Variants in HAUS3 observed in about 807,000 individuals in gnomAD.
HAUS3 encodes HAUS augmin like complex subunit 3.
A neutral mutation model predicts 55.2 loss-of-function variants in HAUS3; 36 were observed. The ratio of observed to expected loss-of-function variants is 0.65; its 90% confidence interval spans 0.50 to 0.86. HAUS3 has a LOEUF of 0.86. Among genes scored for constraint, HAUS3 ranks in the 40% least tolerant of loss-of-function variants. The probability of loss-of-function intolerance (pLI) is 0.00; values close to 1 mark genes in which losing one functional copy is unlikely to be tolerated. For synonymous variants in HAUS3, 234 were observed against 238.6 expected (o/e 0.98, Z 0.18); for missense variants, 752 against 671.5 (o/e 1.12, Z -1.33).
Position 2,233,280 on chromosome 4 carries a change from C to T in HAUS3, c.1579-1120G>A, listed in dbSNP as rs57649231. The stretch of plus-strand genomic sequence containing the variant: ...AAAGATCATACAGTTGCTAAAACAA[C>T]ATTGCTACAGATACTGAAGTTCAGC... On this transcript the variant is annotated intron_variant, in intron 5 of 5. Transcript: ENST00000443786. Among the ~76,000 whole-genome samples, 705 of 152,246 alleles carry T rather than the reference C, an allele frequency of 4.6e-3. 5 individuals carry two copies. Among genetic ancestry groups the T allele is most frequent in the African/African-American group, 0.016 (665 of 41,548 alleles).
chr4:2,236,764 G>A lies in HAUS3; in HGVS notation c.1350-308C>T, dbSNP rs147377252. ...TATAGTCCCAGATACTCCGGAGGCTGAGGCAGGAGGATTGCTTGAACTCGG... is the reference window on the plus strand; with the variant it reads ...TATAGTCCCAGATACTCCGGAGGCTAAGGCAGGAGGATTGCTTGAACTCGG... On this transcript the variant is annotated intron_variant, in intron 4 of 5. Coordinates refer to ENST00000443786, the MANE Select transcript of HAUS3 (RefSeq NM_001303143.2). Among the ~76,000 whole-genome samples the A allele has an allele frequency of 7.5e-3, 1,134 of 152,030 alleles. 18 individuals carry two copies. The highest frequency in any genetic ancestry group is 0.023 in the African/African-American group (956 of 41,430).
At chr4:2,232,706 T>C (rs1293844578) in intron 5 of HAUS3, among the ~76,000 whole-genome samples, 6 of 152,174 alleles carry the variant, frequency 3.9e-5, no homozygotes, top group East Asian at 3.8e-4. Context: ...CCTAATCATA[T>C]AATTTTCCTG....
At chr4:2,237,904 G>A (rs1734823161) in intron 4 of HAUS3, among the ~76,000 whole-genome samples, 1 of 152,120 alleles carries the variant, frequency 6.6e-6, no homozygotes, top group East Asian at 1.9e-4. Context: ...TCTTATAGAT[G>A]TAACTACACA....
chr4:2,231,976 T>C lies in HAUS3; in HGVS notation c.1763A>G (p.Glu588Gly), dbSNP rs780109637. ...AATCTTTGATTGAGTTTCTAAATTCTCCACAATATCTTTCAGATAATCTTC... is the reference window on the plus strand; with the variant it reads ...AATCTTTGATTGAGTTTCTAAATTCCCCACAATATCTTTCAGATAATCTTC... ...KDEDYLKDIV[E>G]NLETQSKIKA... The change falls in exon 6 of 6, where the codon GAG becomes GGG. Residue 588 changes from glutamate to glycine, a missense_variant. By Grantham distance (98) the Glu-to-Gly change is moderately conservative (BLOSUM62 -2). Coordinates refer to ENST00000443786, the MANE Select transcript of HAUS3 (RefSeq NM_001303143.2). 3 of 1,475,426 alleles carry C rather than the reference T, an allele frequency of 2.0e-6. No homozygotes were observed. Among genetic ancestry groups the C allele is most frequent in the Non-Finnish European group, 2.8e-6 (3 of 1,066,438 alleles). 91.4% of individuals were successfully genotyped at this position (1,475,426 alleles called of 1,614,324 possible).
Position 2,241,524 on chromosome 4 carries a change from A to T in HAUS3, c.-152T>A. 1.0e-6 allele frequency: 1 copy of T among 985,798 alleles called. No homozygotes were observed. The highest frequency in any genetic ancestry group is 1.2e-6 in the Non-Finnish European group (1 of 830,198). 61.1% of individuals were successfully genotyped at this position (985,798 alleles called of 1,614,324 possible). ...GAAGATCAACTAAATATTTACCTCAACGTCTCGCCGGGCAAGGCTCCACCT... is the reference window on the plus strand; with the variant it reads ...GAAGATCAACTAAATATTTACCTCATCGTCTCGCCGGGCAAGGCTCCACCT... On this transcript the variant is annotated 5_prime_UTR_variant, in exon 2 of 6. It adds an upstream start codon to the 5' untranslated region. Coordinates refer to ENST00000443786, the MANE Select transcript of HAUS3 (RefSeq NM_001303143.2).
rs1303058240 is a variant in HAUS3, at chr4:2,229,296, A to C, written c.*2631T>G. 7.3e-7 allele frequency: 1 copy of C among 1,362,634 alleles called. No individual in the cohort carries two copies. Among genetic ancestry groups the C allele is most frequent in the African/African-American group, 1.5e-5 (1 of 66,778 alleles). The allele number at this position is 1,362,634 out of a possible 1,614,324, so 84.4% of individuals were successfully genotyped here. On this transcript the variant is annotated 3_prime_UTR_variant, in exon 6 of 6. Coordinates refer to ENST00000443786, the MANE Select transcript of HAUS3 (RefSeq NM_001303143.2). Reference sequence around the variant, plus strand: ...TCCCATATATTAATCCTAAGACTATAAAACAGGAAATACAATTATTTTCAA... The same window carrying C: ...TCCCATATATTAATCCTAAGACTATCAAACAGGAAATACAATTATTTTCAA...
chr4:2,237,406 T>C (rs1460941260), intron 4 of HAUS3, among the ~76,000 whole-genome samples: 1 of 150,586 alleles, frequency 6.6e-6, no homozygotes, highest in East Asian at 2.0e-4. Context: ...ACTGCACTCC[T>C]ACCTAGGCAA....
chr4:2,238,455 AG>A (rs1734844457), intron 4 of HAUS3, 148 bp downstream of exon 4: 1 of 502,506 alleles, frequency 2.0e-6, no homozygotes, highest in Non-Finnish European at 3.5e-6. Context: ...GAAAAAAAAA[AG>A]GCATATGAAA....
chr4:2,236,855 T>C (rs1317064921), intron 4 of HAUS3, among the ~76,000 whole-genome samples: 1 of 150,770 alleles, frequency 6.6e-6, no homozygotes, highest in Non-Finnish European at 1.5e-5. Context: ...AGAGTGAGAC[T>C]CCGTCTCCAA....
chr4:2,240,588 C>T lies in HAUS3; in HGVS notation c.359G>A (p.Arg120His), dbSNP rs760662072. The T allele has an allele frequency of 8.1e-6, 13 of 1,612,536 alleles. No individual in the cohort carries two copies. Among genetic ancestry groups the T allele is most frequent in the Middle Eastern group, 1.6e-4 (1 of 6,078 alleles). Residue 120 changes from arginine (R) to histidine (H), a missense_variant, in exon 3 of 6, where the codon CGT (arginine) becomes CAT (histidine). Transcript: ENST00000443786. Reference protein sequence around the residue: ...LKLKNLKIQRRNKCQLMASVT... With the variant: ...LKLKNLKIQRHNKCQLMASVT... ...TGAAGCCATCAATTGACATTTATTA[C>T]GTCGCTGAATTTTTAGGTTCTTTAA...
intron 5 of HAUS3, among the ~76,000 whole-genome samples, chr4:2,234,930 G>A (rs1354399721): frequency 6.6e-6 from 1 of 152,216 alleles, no homozygotes; most frequent in East Asian, 1.9e-4. Flanking sequence ...CTGTCGCCCA[G>A]GCTGGAGTGC....
In HAUS3 at chr4:2,240,243, T is replaced by C. The variant is rs182932203; in HGVS notation, c.704A>G (p.Glu235Gly). ...GIHEVVESSN[E>G]DNFQLLDIQT... is the part of the protein sequence containing the mutation. The stretch of plus-strand genomic sequence containing the variant: ...TATATCTAAAAGTTGAAAATTGTCT[T>C]CATTTGAACTTTCAACTACTTCATG... The change falls in exon 3 of 6, where the codon GAA (glutamate) becomes GGA (glycine). Residue 235 changes from glutamate to glycine, a missense_variant. By Grantham distance (98) the Glu-to-Gly change is moderately conservative. Coordinates refer to ENST00000443786, the MANE Select transcript of HAUS3 (RefSeq NM_001303143.2). 1.9e-5 allele frequency: 30 copies of C among 1,613,786 alleles called. No individual in the cohort carries two copies. Among genetic ancestry groups the C allele is most frequent in the Admixed American group, 3.3e-5 (2 of 59,948 alleles).
intron 5 of HAUS3, among the ~76,000 whole-genome samples, chr4:2,235,340 T>C (rs532607348): frequency 1.3e-5 from 2 of 152,322 alleles, no homozygotes; most frequent in South Asian, 2.1e-4. Flanking sequence ...TTCACACCCG[T>C]TGGGATGGCT....
Position 2,240,671 on chromosome 4 carries a change from A to C in HAUS3, c.276T>G (p.Pro92=). The change falls in exon 3 of 6, where the codon CCT becomes CCG. Residue 92 remains proline (P), a synonymous_variant. Coordinates refer to ENST00000443786, the MANE Select transcript of HAUS3 (RefSeq NM_001303143.2). ...KTCKTSDLKT[P]RLDDKELEKL... ...TCTCCAGCTCTTTATCATCCAGTCT[A>C]GGTGTCTTCAAATCAGAAGTTTTAC... 1 of 1,614,068 alleles carries C rather than the reference A, an allele frequency of 6.2e-7. No individual in the cohort carries two copies. The highest frequency in any genetic ancestry group is 1.1e-5 in the South Asian group (1 of 91,056).
intron 4 of HAUS3, among the ~76,000 whole-genome samples, chr4:2,238,009 A>G (rs6831205): frequency 0.083 from 12,654 of 152,180 alleles, 790 homozygotes; most frequent in African/African-American, 0.17. Flanking sequence ...CATTTTATTA[A>G]TAAGAAAACA....
At position 2,230,400 on chromosome 4, in the gene HAUS3, C is replaced by G. The variant is rs1419741223; in HGVS notation, c.*1527G>C. On this transcript the variant is annotated 3_prime_UTR_variant, in exon 6 of 6. Coordinates refer to ENST00000443786, the MANE Select transcript of HAUS3 (RefSeq NM_001303143.2). ...CCAGGAAACCAGGTGACATATTTTCCACATTTTTGGAGAAAATAAAAATTT... is the reference window on the plus strand; with the variant it reads ...CCAGGAAACCAGGTGACATATTTTCGACATTTTTGGAGAAAATAAAAATTT... The G allele has an allele frequency of 6.6e-6, 1 of 152,006 alleles. No homozygotes were observed. Among genetic ancestry groups the G allele is most frequent in the Non-Finnish European group, 1.5e-5 (1 of 68,024 alleles). The allele number at this position is 152,006 out of a possible 1,614,324, so 9.4% of individuals were successfully genotyped here. A position where few individuals can be genotyped will look rare whatever the true frequency, so the allele number is the denominator to read the frequency against.
Position 2,229,194 on chromosome 4 carries a change from C to G in HAUS3, c.*2733G>C. ...AGCAACACTGGAGAGCGGTGTATTA[C>G]AGAGATCAAAGCCTACCAATGCCTC... On this transcript the variant is annotated 3_prime_UTR_variant, in exon 6 of 6. Coordinates refer to ENST00000443786, the MANE Select transcript of HAUS3 (RefSeq NM_001303143.2). 1.2e-6 allele frequency: 2 copies of G among 1,610,628 alleles called. No homozygotes were observed. The highest frequency in any genetic ancestry group is 1.7e-6 in the Non-Finnish European group (2 of 1,177,578).
chr4:2,236,884 A>G (rs1205329207), intron 4 of HAUS3, among the ~76,000 whole-genome samples: 1 of 149,038 alleles, frequency 6.7e-6, no homozygotes, highest in Non-Finnish European at 1.5e-5. Context: ...AATAATAATT[A>G]TAATTATAAT....
At position 2,240,176 on chromosome 4, in the gene HAUS3, CT is replaced by C; in HGVS notation, c.770del (p.Glu257GlyfsTer4). ...SICDNQEILEERRLEMARLQL... is the reference protein window; with the variant it reads ...SICDNQEILEXRRLEMARLQL... ...GCAGTCTAGCCATCTCTAGTCGTCT[CT>C]CCTCAAGGATTTCTTGATTATCACA... On this transcript the variant is annotated frameshift_variant, in exon 3 of 6. Transcript: ENST00000443786. LOFTEE classifies it high-confidence loss of function. 4.3e-6 allele frequency: 7 copies of C among 1,614,070 alleles called. No homozygotes were observed. Among genetic ancestry groups the C allele is most frequent in the Non-Finnish European group, 5.9e-6 (7 of 1,179,930 alleles).
Sources: gnomAD v4.1 joint callset for allele counts (sites outside exome capture counted in the v4.1 genomes callset) on GRCh38, gnomAD v4.1.1 for gene constraint, MANE v1.5 for transcripts, NCBI Gene and HGNC (gene_info 2026-07-23, HGNC 2026-07-21) for gene names.